The following ACSL6 variants were observed in gnomAD, a reference collection of about 807,000 sequenced individuals.
ACSL6 encodes acyl-CoA synthetase long chain family member 6.
Under a neutral mutation model 98.2 loss-of-function variants are expected in ACSL6, and 47 were observed. That is an observed-to-expected ratio of 0.48 (90% CI 0.38 to 0.61). ACSL6 has a LOEUF of 0.61. ACSL6 is among the 20% of genes least tolerant of loss of function. The pLI, the probability that ACSL6 is intolerant of heterozygous loss-of-function variation, is 0.00. For synonymous variants in ACSL6, 362 were observed against 336.9 expected, an observed-to-expected ratio of 1.07 and a Z score of -0.82; for missense variants, 761 against 913.4, an observed-to-expected ratio of 0.83 and a Z score of 2.15.
intron 4 of ACSL6, among the ~76,000 whole-genome samples, chr5:131,989,717 C>T (rs1381315302): frequency 6.6e-6 from 1 of 150,608 alleles, no homozygotes; most frequent in Non-Finnish European, 1.5e-5. Flanking sequence ...TGTCAGCCTC[C>T]CGAGTAGCTG....
intron 15 of ACSL6, chr5:131,968,312 G>T: frequency 6.8e-6 from 2 of 294,142 alleles, no homozygotes; most frequent in Non-Finnish European, 6.3e-6. Context: ...TCCTGGGTAG[G>T]GTAGGATGGG....
At chr5:131,954,407 A>C (rs1225594631) in intron 20 of ACSL6, 36 bp from the exon 21 acceptor site, 1 of 1,604,542 alleles carries the variant, frequency 6.2e-7, no homozygotes, top group Non-Finnish European at 8.5e-7. Flanking sequence ...TTTAACAGGA[A>C]TAGAACACAG....
Position 131,966,550 on chromosome 5 carries a change from T to C in ACSL6, c.1597-18A>G, listed in dbSNP as rs753170803. On this transcript the variant is annotated intron_variant, in intron 16 of 20. Coordinates refer to ENST00000651883, the MANE Select transcript of ACSL6 (RefSeq NM_001009185.3). Reference sequence around the variant, plus strand: ...ACACATATCTATGGGACAAAAACCATGGCTTCTCTCAGCCACATCATGAGG... The same window carrying C: ...ACACATATCTATGGGACAAAAACCACGGCTTCTCTCAGCCACATCATGAGG... 7 of 1,607,644 alleles carry C rather than the reference T, an allele frequency of 4.4e-6. No homozygotes were observed. The highest frequency in any genetic ancestry group is 3.4e-6 in the Non-Finnish European group (4 of 1,174,106).
intron 1 of ACSL6, among the ~76,000 whole-genome samples, chr5:132,005,479 C>T (rs543157668): frequency 2.6e-5 from 4 of 152,392 alleles, no homozygotes; most frequent in South Asian, 2.1e-4. Context: ...TCCAATCTCA[C>T]TGGCCGGCTC....
intron 6 of ACSL6, 77 bp downstream of exon 6, chr5:131,988,728 C>T: frequency 6.4e-7 from 1 of 1,568,900 alleles, no homozygotes; most frequent in Non-Finnish European, 8.8e-7. Context: ...GTCAGACAAT[C>T]AGCATAACCT....
intron 11 of ACSL6, 108 bp downstream of exon 11, chr5:131,974,785 T>C: frequency 1.9e-6 from 3 of 1,611,954 alleles, no homozygotes; most frequent in South Asian, 1.1e-5. Flanking sequence ...ACATGTGTGC[T>C]AAAGGCAAAT....
chr5:131,991,795 A>G (rs1387147962), intron 2 of ACSL6, among the ~76,000 whole-genome samples: 1 of 143,074 alleles, frequency 7.0e-6, no homozygotes, highest in African/African-American at 2.4e-5. Flanking sequence ...AGAGCCTGCC[A>G]CCTCTTGGAA....
At chr5:131,975,092 A>C in intron 10 of ACSL6, 122 bp from the exon 11 acceptor site, 5 of 1,294,964 alleles carry the variant, frequency 3.9e-6, no homozygotes, top group East Asian at 3.6e-5. Flanking sequence ...GGGGAGGGGA[A>C]TGGGAGTGGT....
In ACSL6 at chr5:131,973,791, T is replaced by G. The variant is rs1580649635; in HGVS notation, c.1069-391A>C. 5.5e-5 allele frequency: 9 copies of G among 163,756 alleles called. No homozygotes were observed. In the South Asian group the frequency reaches 1.6e-3, roughly 30 times the overall value. 10.1% of individuals were successfully genotyped at this position (163,756 alleles called of 1,614,324 possible). Reference sequence around the variant, plus strand: ...CTCCAGGTCTTAGAGTTGTTGGATTTCCCCAGGGAATTCTGGGAAGGTGAA... The same window carrying G: ...CTCCAGGTCTTAGAGTTGTTGGATTGCCCCAGGGAATTCTGGGAAGGTGAA... On this transcript the variant is annotated intron_variant, in intron 11 of 20. Transcript: ENST00000651883.
chr5:132,000,478 C>A (rs1402276913), intron 1 of ACSL6, among the ~76,000 whole-genome samples: 1 of 151,968 alleles, frequency 6.6e-6, no homozygotes, highest in Non-Finnish European at 1.5e-5. Flanking sequence ...CAGGGGCTCT[C>A]GGGGGTCTCA....
At position 131,971,654 on chromosome 5, in the gene ACSL6, A is replaced by G. The variant is rs370498057; in HGVS notation, c.1339-9T>C. ...CACCCACCAAGACTGGCCTGTGGGA[A>G]GAAAGAAGAGCTGCCAAATTTTGTG... On this transcript the variant is annotated splice_polypyrimidine_tract_variant and intron_variant, in intron 13 of 20. Coordinates refer to ENST00000651883, the MANE Select transcript of ACSL6 (RefSeq NM_001009185.3). 2.3e-5 allele frequency: 36 copies of G among 1,594,478 alleles called. No homozygotes were observed. The African/African-American group carries it at 4.7e-4, about 21-fold the overall frequency.
chr5:131,981,345 A>C (rs902578803), intron 9 of ACSL6, among the ~76,000 whole-genome samples: 2 of 150,110 alleles, frequency 1.3e-5, no homozygotes, highest in East Asian at 1.9e-4. Flanking sequence ...AAAAAAAAAA[A>C]CACAACTTTC....
intron 9 of ACSL6, chr5:131,983,861 C>T (rs1754027805): frequency 6.6e-6 from 1 of 152,290 alleles, no homozygotes; most frequent in African/African-American, 2.4e-5. Context: ...TGTCTGCCCT[C>T]CCCAGCCAGG....
chr5:131,988,515 T>C (rs1292697970), intron 6 of ACSL6: 3 of 1,607,778 alleles, frequency 1.9e-6, no homozygotes, highest in East Asian at 4.5e-5. Context: ...TACCACCCCC[T>C]GCATCTGTGC....
At chr5:131,992,883 C>A (rs1561804479) in intron 2 of ACSL6, among the ~76,000 whole-genome samples, 1 of 152,194 alleles carries the variant, frequency 6.6e-6, no homozygotes, top group Admixed American at 6.5e-5. Flanking sequence ...TCATCACACC[C>A]AATCTTTACC....
Position 132,011,604 on chromosome 5 carries a change from C to A in ACSL6, c.-51G>T, listed in dbSNP as rs1227525538. ...CCGGCCCGGCCTCCCCGACCCGCAG[C>A]CCCGCAGCCCCGCAGCCCAGCAGCC... is the stretch of plus-strand genomic sequence containing the variant. On this transcript the variant is annotated 5_prime_UTR_variant, in exon 1 of 21. Transcript: ENST00000651883. This position sits in a 1 kb window ranked among gnomAD's most constrained non-coding sequence, Gnocchi z 5.4. 4.3e-6 allele frequency: 6 copies of A among 1,388,480 alleles called. No homozygotes were observed. Among genetic ancestry groups the A allele is most frequent in the Non-Finnish European group, 5.6e-6 (6 of 1,072,996 alleles). The allele number at this position is 1,388,480 out of a possible 1,614,324, so 86.0% of individuals were successfully genotyped here. A position where few individuals can be genotyped will look rare whatever the true frequency, so the allele number is the denominator to read the frequency against.
At chr5:131,973,204 C>T in intron 12 of ACSL6, 62 bp downstream of exon 12, 1 of 1,580,988 alleles carries the variant, frequency 6.3e-7, no homozygotes. Flanking sequence ...GGCTCCAGAC[C>T]CTGTCCAAAC....
At chr5:132,000,872 G>T (rs549447484) in intron 1 of ACSL6, among the ~76,000 whole-genome samples, 1 of 152,236 alleles carries the variant, frequency 6.6e-6, no homozygotes, top group East Asian at 1.9e-4. Context: ...CAATTGCCTG[G>T]CAAGTCTAGA....
chr5:131,967,294 G>A (rs1053281596), intron 16 of ACSL6, among the ~76,000 whole-genome samples: 5 of 152,082 alleles, frequency 3.3e-5, no homozygotes, highest in South Asian at 2.1e-4. Context: ...CTATGGTCTC[G>A]AGTTCAGTGG....
Sources: allele counts gnomAD v4.1 joint callset (sites outside exome capture counted in the v4.1 genomes callset), GRCh38; gene constraint gnomAD v4.1.1; non-coding constraint Gnocchi (gnomAD v3.1); transcripts MANE v1.5; gene names NCBI Gene and HGNC (gene_info 2026-07-23, HGNC 2026-07-21).